NKTR: variants seen among roughly 807,000 people sequenced by gnomAD.
NKTR encodes NK-tumor recognition protein.
A neutral mutation model predicts 156.3 loss-of-function variants in NKTR; 67 were observed. The ratio of observed to expected loss-of-function variants is 0.43; its 90% CI spans 0.35 to 0.53. The LOEUF (loss-of-function observed/expected upper bound fraction) is 0.53, where lower values mean the gene tolerates loss of function less well. Among genes scored for constraint, NKTR ranks in the 20% least tolerant of loss-of-function variants. The pLI is 0.01. For missense variants in NKTR, 1,604 were observed against 1,730.9 expected, an observed-to-expected ratio of 0.93 and a Z score of 1.30; for synonymous variants, 640 against 596.6, an observed-to-expected ratio of 1.07 and a Z score of -1.06.
At chr3:42,631,004 A>G in intron 7 of NKTR, 167 bp from the exon 8 acceptor site, 1 of 1,416,514 alleles carries the variant, frequency 7.1e-7, no homozygotes, top group African/African-American at 1.4e-5. Flanking sequence ...GTTTCCTTTT[A>G]TGAAGCAGAT....
At position 42,641,646 on chromosome 3, in the gene NKTR, G is replaced by A. The variant is rs898817097; in HGVS notation, c.4047-855G>A. Among the ~76,000 whole-genome samples, 12 of 152,276 alleles carry A rather than the reference G, an allele frequency of 7.9e-5. No homozygotes were observed. In the South Asian group the frequency reaches 1.9e-3, roughly 24 times the overall value. ...TGTAATCCCAGTACTTTGGGAGGCC[G>A]AGGTGGGCAGATCACAAGGTCAGGA... On this transcript the variant is annotated intron_variant, in intron 13 of 16. Coordinates refer to ENST00000232978, the MANE Select transcript of NKTR (RefSeq NM_005385.4).
chr3:42,620,198 A>T, intron 5 of NKTR: 2 of 1,277,332 alleles, frequency 1.6e-6, no homozygotes, highest in East Asian at 6.0e-5. Flanking sequence ...ATGCTTCTGT[A>T]TCTTTTTTCA....
chr3:42,609,082 C>G (rs1328989589), intron 2 of NKTR, among the ~76,000 whole-genome samples: 2 of 151,318 alleles, frequency 1.3e-5, no homozygotes, highest in Admixed American at 1.3e-4. Context: ...GAGCAGAGAT[C>G]ATACCACTGC....
At chr3:42,630,823 C>G in intron 7 of NKTR, 1 of 1,335,078 alleles carries the variant, frequency 7.5e-7, no homozygotes, top group Non-Finnish European at 9.5e-7. Context: ...TTTTATTTTT[C>G]TCTTCAGTTT....
intron 13 of NKTR, among the ~76,000 whole-genome samples, chr3:42,641,388 C>T (rs1709871416): frequency 6.6e-6 from 1 of 152,098 alleles, no homozygotes; most frequent in South Asian, 2.1e-4. Context: ...ATAATGTCAC[C>T]TGTACACAGA....
At chr3:42,612,960 C>T (rs1706985715) in intron 2 of NKTR, among the ~76,000 whole-genome samples, 2 of 151,796 alleles carry the variant, frequency 1.3e-5, no homozygotes. Flanking sequence ...TTGGGTGTTC[C>T]TTCATTTATG....
intron 6 of NKTR, chr3:42,628,537 T>C (rs894205819): frequency 2.1e-5 from 21 of 985,334 alleles, no homozygotes; most frequent in Non-Finnish European, 2.4e-5. Flanking sequence ...TTGGGCTCTT[T>C]ATGTTTTAAG....
At chr3:42,629,001 CAAAAT>C (rs1708651816) in intron 6 of NKTR, 2 of 722,076 alleles carry the variant, frequency 2.8e-6, no homozygotes, top group Non-Finnish European at 3.4e-6. Context: ...GACTCCATCT[CAAAAT>C]AAACAAACAA....
intron 1 of NKTR, 62 bp downstream of exon 1, chr3:42,600,840 G>T (rs1194510127): frequency 4.5e-6 from 2 of 444,124 alleles, no homozygotes; most frequent in Non-Finnish European, 7.8e-6. Flanking sequence ...GGGCGGGAGG[G>T]GGCCTCGTCT....
intron 12 of NKTR, 104 bp downstream of exon 12, chr3:42,635,470 T>G: frequency 1.1e-6 from 1 of 901,528 alleles, no homozygotes; most frequent in Non-Finnish European, 1.6e-6. Context: ...AGTGAAAGAT[T>G]CACAGTCAGA....
At position 42,635,234 on chromosome 3, in the gene NKTR, C is replaced by T; in HGVS notation, c.1031C>T (p.Pro344Leu). 6.2e-7 allele frequency: 1 copy of T among 1,612,004 alleles called. No homozygotes were observed. The highest frequency in any genetic ancestry group is 8.5e-7 in the Non-Finnish European group (1 of 1,179,348). The change falls in exon 12 of 17, where the codon CCT (proline) becomes CTT (leucine). Residue 344 changes from proline (P) to leucine (L), a missense_variant. Around this residue, in one of 6 missense-constraint regions of NKTR, gnomAD observed 1,255 missense variants for 1,243.7 expected, o/e 1.01. Coordinates refer to ENST00000232978, the MANE Select transcript of NKTR (RefSeq NM_005385.4). ...TTGTTTTTAAAGCGCTATCACACAC[C>T]TCCAAGATCAAGATCCTGTTCTGAG... Reference protein sequence around the residue: ...KGRGTIRYHTPPRSRSCSESD... With the variant: ...KGRGTIRYHTLPRSRSCSESD...
chr3:42,630,555 G>A lies in NKTR; in HGVS notation c.384G>A (p.Lys128=). 6.2e-7 allele frequency: 1 copy of A among 1,613,794 alleles called. No individual in the cohort carries two copies. Among genetic ancestry groups the A allele is most frequent in the Non-Finnish European group, 8.5e-7 (1 of 1,179,842 alleles). ...TNGSQFFITT[K]PAPHLDGVHV... ...GATGTTTATTACATAGTACCACAAAGCCTGCTCCACACCTGGATGGGTAAG... is the reference window on the plus strand; with the variant it reads ...GATGTTTATTACATAGTACCACAAAACCTGCTCCACACCTGGATGGGTAAG... The change falls in exon 7 of 17, where the codon AAG becomes AAA. Residue 128 remains lysine, a synonymous_variant. Transcript: ENST00000232978.
chr3:42,613,062 C>T (rs1294198720), intron 2 of NKTR, among the ~76,000 whole-genome samples: 2 of 152,076 alleles, frequency 1.3e-5, no homozygotes, highest in African/African-American at 2.4e-5. Context: ...CCAGGCACTA[C>T]GTAAGTCTCT....
chr3:42,617,418 A>ATAC, intron 2 of NKTR, 152 bp from the exon 3 acceptor site: 1 of 557,642 alleles, frequency 1.8e-6, no homozygotes, highest in Non-Finnish European at 3.2e-6. Flanking sequence ...CATAGGTATC[A>ATAC]CCCAGTTAAA....
intron 6 of NKTR, 41 bp downstream of exon 6, chr3:42,621,557 A>G: frequency 6.3e-7 from 1 of 1,592,404 alleles, no homozygotes; most frequent in Non-Finnish European, 8.5e-7. Context: ...TCTTAAACAG[A>G]GAAGCGCTGT....
chr3:42,625,040 G>A (rs1234169738), intron 6 of NKTR, among the ~76,000 whole-genome samples: 1 of 152,140 alleles, frequency 6.6e-6, no homozygotes, highest in Non-Finnish European at 1.5e-5. Flanking sequence ...ATAAAAATAT[G>A]GATGTAAAAG....
At chr3:42,628,081 C>T (rs1443154536) in intron 6 of NKTR, 2 of 985,270 alleles carry the variant, frequency 2.0e-6, no homozygotes, top group Non-Finnish European at 1.2e-6. Flanking sequence ...ATTTCTACTC[C>T]TGGAATGTAG....
chr3:42,637,801 T>A lies in NKTR; in HGVS notation c.2097T>A (p.Ser699Arg). 6.2e-7 allele frequency: 1 copy of A among 1,613,398 alleles called. No individual in the cohort carries two copies. Among genetic ancestry groups the A allele is most frequent in the East Asian group, 2.2e-5 (1 of 44,866 alleles). The change falls in exon 13 of 17, where the codon AGT (serine) becomes AGA (arginine). Residue 699 changes from serine (S) to arginine (R), a missense_variant. By Grantham distance (110) the Ser-to-Arg change is moderately radical. Transcript: ENST00000232978. Reference sequence around the variant, plus strand: ...GGTCAAGGAGCAGATCTTCTAGGAGTAGATCTTATTCCAGATCATATACAA... The same window carrying A: ...GGTCAAGGAGCAGATCTTCTAGGAGAAGATCTTATTCCAGATCATATACAA... The part of the protein sequence containing the change: ...SPRSRSRSSR[S>R]RSYSRSYTRS...
rs770845900 is a variant in NKTR at position 42,632,554 on chromosome 3, TA to T, written c.551-46del. ...TAATCACATTTTTTACTCTGAAAGGTAGGCACTGAATTTAGTACTAATGTTT... is the reference window on the plus strand; with the variant it reads ...TAATCACATTTTTTACTCTGAAAGGTGGCACTGAATTTAGTACTAATGTTT... On this transcript the variant is annotated intron_variant, in intron 8 of 16. Coordinates refer to ENST00000232978, the MANE Select transcript of NKTR (RefSeq NM_005385.4). 7 of 1,143,982 alleles carry T rather than the reference TA, an allele frequency of 6.1e-6. No homozygotes were observed. The African/African-American group carries it at 1.1e-4, about 18-fold the overall frequency. 70.9% of individuals were successfully genotyped at this position (1,143,982 alleles called of 1,614,324 possible).
Sources: gnomAD v4.1 joint callset for allele counts (sites outside exome capture counted in the v4.1 genomes callset) on GRCh38, gnomAD v4.1.1 for gene constraint, gnomAD v4.1.1 regional missense constraint, MANE v1.5 for transcripts, NCBI Gene and HGNC (gene_info 2026-07-23, HGNC 2026-07-21) for gene names.